Variants in ABCA13 observed in about 807,000 individuals in gnomAD.
The protein encoded by ABCA13 is ATP binding cassette subfamily A member 13, also known as ATP-binding cassette sub-family A member 13.
A neutral mutation model predicts 478.7 loss-of-function variants in ABCA13; 476 were observed. The ratio of observed to expected loss-of-function variants is 0.99; its 90% CI spans 0.92 to 1.07. ABCA13 has a LOEUF of 1.07. ABCA13 is among the 50% of genes least tolerant of loss of function. The probability of loss-of-function intolerance (pLI) is 0.00; values close to 1 mark genes in which losing one functional copy is unlikely to be tolerated. For synonymous variants in ABCA13, 2,252 were observed against 2,158.9 expected (o/e 1.04, Z -1.20); for missense variants, 6,060 against 5,910.6 (o/e 1.03, Z -0.83).
chr7:48,641,615 A>T (rs1586073253), intron 59 of ABCA13, among the ~76,000 whole-genome samples: 1 of 152,220 alleles, frequency 6.6e-6, no homozygotes, highest in Non-Finnish European at 1.5e-5. Flanking sequence ...TAGTGCAAAC[A>T]CTACATTTTG....
At position 48,291,193 on chromosome 7, in the gene ABCA13, T is replaced by C. The variant is rs986540237; in HGVS notation, c.8955+3115T>C. On this transcript the variant is annotated intron_variant, in intron 20 of 61. Transcript: ENST00000435803. Reference sequence around the variant, plus strand: ...GTGCACATTAGGGGCAGTGGGTGGGTGAAGGCTGGAGGAGGCTGTGTCTCT... The same window carrying C: ...GTGCACATTAGGGGCAGTGGGTGGGCGAAGGCTGGAGGAGGCTGTGTCTCT... Among the ~76,000 whole-genome samples, 5 of 151,968 alleles carry C rather than the reference T, an allele frequency of 3.3e-5. No individual in the cohort carries two copies. The East Asian group carries it at 9.7e-4, about 29-fold the overall frequency.
At chr7:48,364,074 C>T (rs983241759) in intron 31 of ABCA13, among the ~76,000 whole-genome samples, 15 of 152,190 alleles carry the variant, frequency 9.9e-5, no homozygotes, top group African/African-American at 3.6e-4. Context: ...TTGGATATTC[C>T]TGTCCAGGTA....
chr7:48,561,443 T>C (rs1358996587), intron 55 of ABCA13, among the ~76,000 whole-genome samples: 1 of 152,204 alleles, frequency 6.6e-6, no homozygotes, highest in Non-Finnish European at 1.5e-5. Flanking sequence ...TTAACAAATG[T>C]AAAGCGATAT....
intron 54 of ABCA13, among the ~76,000 whole-genome samples, chr7:48,525,677 T>TA (rs1450409678): frequency 6.9e-6 from 1 of 144,368 alleles, no homozygotes; most frequent in Admixed American, 6.8e-5. Context: ...GCGCTTTTTT[T>TA]TTTTTTTTTT....
chr7:48,559,276 T>C (rs914649597), intron 55 of ABCA13, among the ~76,000 whole-genome samples: 5 of 152,250 alleles, frequency 3.3e-5, no homozygotes, highest in African/African-American at 1.2e-4. Flanking sequence ...TCCTCCCTTT[T>C]GACTGTCAGA....
At chr7:48,309,044 C>T (rs1343421865) in intron 23 of ABCA13, among the ~76,000 whole-genome samples, 1 of 149,978 alleles carries the variant, frequency 6.7e-6, no homozygotes, top group Non-Finnish European at 1.5e-5. Context: ...CACACACACA[C>T]ACACACACAC....
intron 23 of ABCA13, among the ~76,000 whole-genome samples, chr7:48,302,947 T>C (rs1800358964): frequency 6.6e-6 from 1 of 152,186 alleles, no homozygotes; most frequent in Non-Finnish European, 1.5e-5. Flanking sequence ...ATTTACATTC[T>C]CACCAGGAGT....
intron 31 of ABCA13, among the ~76,000 whole-genome samples, chr7:48,359,458 A>G (rs934645673): frequency 1.3e-5 from 2 of 152,010 alleles, no homozygotes; most frequent in Non-Finnish European, 2.9e-5. Context: ...GACAGGGGCA[A>G]CATGAGTGTG....
intron 42 of ABCA13, among the ~76,000 whole-genome samples, chr7:48,452,486 G>C (rs1032706294): frequency 1.3e-5 from 2 of 152,148 alleles, no homozygotes; most frequent in African/African-American, 4.8e-5. Flanking sequence ...TTCCTTTTCT[G>C]TTACCAGAGC....
In ABCA13 at chr7:48,355,795, C is replaced by T. The variant is rs980758977; in HGVS notation, c.10688+3308C>T. Among the ~76,000 whole-genome samples the T allele has an allele frequency of 8.6e-5, 13 of 152,004 alleles. 1 individual carries two copies. The highest frequency in any genetic ancestry group is 3.1e-4 in the African/African-American group (13 of 41,312). The stretch of plus-strand genomic sequence containing the variant: ...TATTTTGGTCCAAGTAACTGGATTG[C>T]TGGAATTATCTCTAACTATAATAGA... On this transcript the variant is annotated intron_variant, in intron 31 of 61. Coordinates refer to ENST00000435803, the MANE Select transcript of ABCA13 (RefSeq NM_152701.5).
At chr7:48,577,101 G>T (rs1388241355) in intron 55 of ABCA13, among the ~76,000 whole-genome samples, 2 of 152,084 alleles carry the variant, frequency 1.3e-5, no homozygotes, top group African/African-American at 4.8e-5. Flanking sequence ...AAAATTCATG[G>T]AATTTGATGC....
intron 46 of ABCA13, among the ~76,000 whole-genome samples, chr7:48,482,192 C>T (rs532362441): frequency 1.1e-4 from 17 of 151,628 alleles, no homozygotes; most frequent in Admixed American, 9.2e-4. Flanking sequence ...ACAATAAAAC[C>T]CAGTGTGGTA....
At chr7:48,533,037 T>C (rs543529190) in intron 55 of ABCA13, among the ~76,000 whole-genome samples, 92 of 152,204 alleles carry the variant, frequency 6.0e-4, no homozygotes, top group African/African-American at 1.5e-3. Context: ...TCTTTTCTTC[T>C]GCTGGGTATG....
At chr7:48,390,720 T>G (rs1369822384) in intron 37 of ABCA13, among the ~76,000 whole-genome samples, 2 of 152,234 alleles carry the variant, frequency 1.3e-5, no homozygotes, top group Non-Finnish European at 1.5e-5. Flanking sequence ...CTTCTTGTAC[T>G]CAGCAGACTG....
intron 43 of ABCA13, among the ~76,000 whole-genome samples, chr7:48,461,376 A>G (rs766552663): frequency 2.6e-5 from 4 of 152,186 alleles, no homozygotes; most frequent in Non-Finnish European, 1.5e-5. Context: ...GTCCAGTTGG[A>G]TACCCCAAGA....
intron 38 of ABCA13, among the ~76,000 whole-genome samples, chr7:48,403,240 C>T (rs1332913485): frequency 2.0e-5 from 3 of 152,202 alleles, no homozygotes; most frequent in Non-Finnish European, 1.5e-5. Context: ...ATTTAGTGGA[C>T]AGTGGCCAGG....
chr7:48,398,109 A>G lies in ABCA13; in HGVS notation c.11874-5574A>G, dbSNP rs76283781. ...TGTCTTAAATTTGAGTGGGTACTTA[A>G]CGAGAAATAGCTAGGTATCTTATGG... is the stretch of plus-strand genomic sequence containing the variant. On this transcript the variant is annotated intron_variant, in intron 38 of 61. Coordinates refer to ENST00000435803, the MANE Select transcript of ABCA13 (RefSeq NM_152701.5). Among the ~76,000 whole-genome samples the G allele has an allele frequency of 9.3e-3, 1,413 of 152,308 alleles. 15 individuals are homozygous for G. Among genetic ancestry groups the G allele is most frequent in the Non-Finnish European group, 0.014 (927 of 68,026 alleles).
intron 55 of ABCA13, among the ~76,000 whole-genome samples, chr7:48,567,414 T>C (rs1044586197): frequency 6.6e-6 from 1 of 152,146 alleles, no homozygotes; most frequent in African/African-American, 2.4e-5. Flanking sequence ...TTTTAGAACA[T>C]TTAAAATATA....
chr7:48,369,297 C>T (rs1046620055), intron 32 of ABCA13, among the ~76,000 whole-genome samples: 2 of 151,880 alleles, frequency 1.3e-5, no homozygotes, highest in African/African-American at 2.4e-5. Flanking sequence ...TAGTCATTTG[C>T]TGGATATATA....
Sources: gnomAD v4.1 joint callset for allele counts (sites outside exome capture counted in the v4.1 genomes callset) on GRCh38, gnomAD v4.1.1 for gene constraint, MANE v1.5 for transcripts, NCBI Gene and HGNC (gene_info 2026-07-23, HGNC 2026-07-21) for gene names.